FER1L6: variants seen among roughly 807,000 people sequenced by gnomAD.
The protein encoded by FER1L6 is fer-1-like protein 6.
A neutral mutation model predicts 219.2 loss-of-function variants in FER1L6; 177 were observed. The observed-to-expected ratio is 0.81, with a 90% confidence interval of 0.71 to 0.91. The LOEUF (loss-of-function observed/expected upper bound fraction) is 0.91, where lower values mean the gene tolerates loss of function less well. FER1L6 is among the 40% of genes least tolerant of loss of function. The pLI is 0.00. For synonymous variants in FER1L6, 768 were observed against 824.3 expected (o/e 0.93, Z 1.17); for missense variants, 2,153 against 2,259.9 (o/e 0.95, Z 0.96).
intron 21 of FER1L6, 123 bp downstream of exon 21, chr8:124,046,024 C>A: frequency 1.7e-6 from 2 of 1,149,918 alleles, no homozygotes. Context: ...CTAGATGTAC[C>A]TAGAGGCAAA....
At chr8:124,023,671 G>T in intron 18 of FER1L6, 75 bp downstream of exon 18, 2 of 1,494,066 alleles carry the variant, frequency 1.3e-6, no homozygotes, top group Non-Finnish European at 1.8e-6. Flanking sequence ...TCTAGTGTGT[G>T]TCCATGGCTC....
At chr8:123,913,274 CAT>C (rs1222416285) in intron 1 of FER1L6, among the ~76,000 whole-genome samples, 6 of 151,922 alleles carry the variant, frequency 3.9e-5, no homozygotes, top group African/African-American at 1.2e-4. Flanking sequence ...CATTTTTTTC[CAT>C]AGTCCATTCA....
chr8:123,960,781 C>A (rs960580353), intron 2 of FER1L6, among the ~76,000 whole-genome samples: 1 of 152,076 alleles, frequency 6.6e-6, no homozygotes, highest in African/African-American at 2.4e-5. Flanking sequence ...ACCTGGATCA[C>A]CTCATCTCAA....
Position 124,039,961 on chromosome 8 carries a change from C to A in FER1L6, c.2544C>A (p.Asp848Glu). The change falls in exon 20 of 41, where the codon GAC becomes GAA. Residue 848 changes from aspartate (D) to glutamate (E), a missense_variant. Coordinates refer to ENST00000522917, the MANE Select transcript of FER1L6 (RefSeq NM_001039112.2). ...LIAADSNGLS[D>E]PFAKVTFLSH... ...CAGCTGACAGCAATGGACTTTCAGACCCTTTTGCCAAAGTCACGTTCCTTT... is the reference window on the plus strand; with the variant it reads ...CAGCTGACAGCAATGGACTTTCAGAACCTTTTGCCAAAGTCACGTTCCTTT... The A allele has an allele frequency of 1.2e-6, 2 of 1,614,158 alleles. No homozygotes were observed. The highest frequency in any genetic ancestry group is 1.7e-6 in the Non-Finnish European group (2 of 1,180,010).
At chr8:124,037,968 C>T (rs1157505399) in intron 19 of FER1L6, among the ~76,000 whole-genome samples, 2 of 152,194 alleles carry the variant, frequency 1.3e-5, no homozygotes, top group Non-Finnish European at 2.9e-5. Flanking sequence ...GACACCTCTT[C>T]TGTCCATGGC....
At chr8:124,060,989 C>T (rs1217524859) in intron 24 of FER1L6, among the ~76,000 whole-genome samples, 2 of 152,130 alleles carry the variant, frequency 1.3e-5, no homozygotes, top group Admixed American at 1.3e-4. Context: ...CACCTGAGAA[C>T]TTGTTAGAAA....
chr8:123,866,306 G>GTA (rs1816837207), intron 1 of FER1L6, among the ~76,000 whole-genome samples: 1 of 150,826 alleles, frequency 6.6e-6, no homozygotes, highest in African/African-American at 2.4e-5. Context: ...TCCATCATGT[G>GTA]TATATATATT....
intron 13 of FER1L6, among the ~76,000 whole-genome samples, chr8:124,010,336 C>G (rs1817864590): frequency 6.6e-6 from 1 of 152,132 alleles, no homozygotes; most frequent in South Asian, 2.1e-4. Context: ...AAAAATCCCG[C>G]CCTCTAGTGA....
intron 38 of FER1L6, among the ~76,000 whole-genome samples, chr8:124,102,663 C>T (rs957912031): frequency 2.6e-5 from 4 of 152,156 alleles, no homozygotes; most frequent in Non-Finnish European, 4.4e-5. Flanking sequence ...TGGGAACCCA[C>T]TAAGGTTCAC....
Position 124,101,275 on chromosome 8 carries a change from A to C in FER1L6, c.5062A>C (p.Thr1688Pro), listed in dbSNP as rs751872220. 1.2e-6 allele frequency: 2 copies of C among 1,613,576 alleles called. No individual in the cohort carries two copies. The highest frequency in any genetic ancestry group is 3.3e-5 in the Admixed American group (2 of 59,966). ...IFSLEKMECKTPAVLVLQVWD... is the reference protein window; with the variant it reads ...IFSLEKMECKPPAVLVLQVWD... ...CTCTTTAGAGAAGATGGAGTGTAAGACTCCTGCTGTGTTGGTGCTGCAGGT... is the reference window on the plus strand; with the variant it reads ...CTCTTTAGAGAAGATGGAGTGTAAGCCTCCTGCTGTGTTGGTGCTGCAGGT... Residue 1688 changes from threonine (T) to proline (P), a missense_variant, in exon 38 of 41, where the codon ACT becomes CCT. Thr to Pro is a conservative substitution (Grantham distance 38). Coordinates refer to ENST00000522917, the MANE Select transcript of FER1L6 (RefSeq NM_001039112.2).
At chr8:124,034,698 T>C (rs1293131722) in intron 18 of FER1L6, among the ~76,000 whole-genome samples, 1 of 152,186 alleles carries the variant, frequency 6.6e-6, no homozygotes, top group African/African-American at 2.4e-5. Flanking sequence ...GCCAGGTAGA[T>C]TCTTCTAAGT....
At chr8:123,868,733 G>A (rs1448861962) in intron 1 of FER1L6, among the ~76,000 whole-genome samples, 4 of 151,804 alleles carry the variant, frequency 2.6e-5, no homozygotes, top group African/African-American at 7.3e-5. Context: ...ACTCCGGTGG[G>A]AGCCATTGTC....
At chr8:124,066,310 A>AT in intron 26 of FER1L6, 118 bp from the exon 27 acceptor site, 1 of 1,137,216 alleles carries the variant, frequency 8.8e-7, no homozygotes, top group South Asian at 1.6e-5. Context: ...AAACCAGTGG[A>AT]TACCTCTGTG....
At position 124,060,224 on chromosome 8, in the gene FER1L6, A is replaced by G; in HGVS notation, c.2919A>G (p.Pro973=). 6.2e-7 allele frequency: 1 copy of G among 1,613,298 alleles called. No individual in the cohort carries two copies. The highest frequency in any genetic ancestry group is 8.5e-7 in the Non-Finnish European group (1 of 1,179,762). Reference sequence around the variant, plus strand: ...AAGGCCTCCCACCCGTTGAGCCACCAGACATCACCCAGATCTACCCGGTTC... The same window carrying G: ...AAGGCCTCCCACCCGTTGAGCCACCGGACATCACCCAGATCTACCCGGTTC... ...GLQGLPPVEP[P]DITQIYPVPA... is the part of the protein sequence containing the mutation. Residue 973 remains proline (P), a synonymous_variant, in exon 23 of 41, where the codon CCA becomes CCG. Transcript: ENST00000522917.
chr8:124,064,767 G>T (rs944252562), intron 26 of FER1L6, among the ~76,000 whole-genome samples, 194 bp downstream of exon 26: 1 of 152,170 alleles, frequency 6.6e-6, no homozygotes, highest in African/African-American at 2.4e-5. Flanking sequence ...AGGTTAATGT[G>T]CATGAAATTA....
chr8:124,084,415 G>T (rs1821702394), intron 33 of FER1L6, among the ~76,000 whole-genome samples: 2 of 151,904 alleles, frequency 1.3e-5, no homozygotes, highest in African/African-American at 4.8e-5. Context: ...GTTTTTTATT[G>T]TGTTGAGCTA....
chr8:124,096,004 T>A (rs1450656087), intron 35 of FER1L6, among the ~76,000 whole-genome samples: 1 of 152,208 alleles, frequency 6.6e-6, no homozygotes, highest in Non-Finnish European at 1.5e-5. Flanking sequence ...CTGGACTCAC[T>A]CACTGTGTGA....
intron 37 of FER1L6, among the ~76,000 whole-genome samples, 184 bp from the exon 38 acceptor site, chr8:124,100,913 G>A (rs751455167): frequency 4.7e-4 from 72 of 151,988 alleles, no homozygotes; most frequent in Non-Finnish European, 1.0e-3. Flanking sequence ...TTTCTATTAT[G>A]GCAGACCCTC....
intron 1 of FER1L6, among the ~76,000 whole-genome samples, chr8:123,923,290 A>G (rs541722801): frequency 2.6e-5 from 4 of 152,352 alleles, no homozygotes; most frequent in Non-Finnish European, 4.4e-5. Context: ...AGGCACAGAG[A>G]GGCGAATGAA....
Sources: allele counts gnomAD v4.1 joint callset (sites outside exome capture counted in the v4.1 genomes callset), GRCh38; gene constraint gnomAD v4.1.1; transcripts MANE v1.5; gene names NCBI Gene and HGNC (gene_info 2026-07-23, HGNC 2026-07-21).